The following STAT6 variants were observed in gnomAD, a reference collection of about 807,000 sequenced individuals.
The protein encoded by STAT6 is STAT, interleukin4-induced.
Under a neutral mutation model 106.3 loss-of-function variants are expected in STAT6, and 45 were observed. The observed-to-expected ratio is 0.42, with a 90% CI of 0.33 to 0.54. The LOEUF (loss-of-function observed/expected upper bound fraction) is 0.54, where lower values mean the gene tolerates loss of function less well. Ranked by LOEUF, STAT6 falls within the 20% of genes least tolerant of loss-of-function variation. The pLI is 0.06. For synonymous variants in STAT6, 413 were observed against 413.6 expected (o/e 1.00, Z 0.02); for missense variants, 797 against 1,062.2 (o/e 0.75, Z 3.47).
chr12:57,104,542 A>G lies in STAT6; in HGVS notation c.1134T>C (p.Ser378=), dbSNP rs1295744290. The part of the protein sequence containing the change: ...IKRCERKGTE[S]VTEEKCAVLF... ...GCACAGCGCACTTCTCCTCTGTGAC[A>G]GACTCAGTGCCCTTCCGCTCACACC... The change falls in exon 11 of 22, where the codon TCT becomes TCC. Residue 378 remains serine (S), a synonymous_variant. Coordinates refer to ENST00000300134, the MANE Select transcript of STAT6 (RefSeq NM_003153.5). 1.9e-6 allele frequency: 3 copies of G among 1,613,922 alleles called. No individual in the cohort carries two copies. The highest frequency in any genetic ancestry group is 2.5e-6 in the Non-Finnish European group (3 of 1,179,974).
In STAT6 at chr12:57,099,934, G is replaced by A. The variant is rs757784476; in HGVS notation, c.1608-31C>T. ...CGGGATGAAGGAGAGGATGGGGCAT[G>A]GGCAGTGAGTATGGAGGTGACTGGT... On this transcript the variant is annotated intron_variant, in intron 14 of 21. Transcript: ENST00000300134. The surrounding 1 kb of genome is among the most constrained non-coding windows in gnomAD (Gnocchi z 4.7). 3 of 1,614,220 alleles carry A rather than the reference G, an allele frequency of 1.9e-6. No individual in the cohort carries two copies. The highest frequency in any genetic ancestry group is 2.2e-5 in the East Asian group (1 of 44,874).
intron 9 of STAT6, 88 bp downstream of exon 9, chr12:57,105,063 A>G (rs1409297327): frequency 6.8e-7 from 1 of 1,466,776 alleles, no homozygotes; most frequent in African/African-American, 1.4e-5. Flanking sequence ...CTCCCTCCCC[A>G]TCCCTTGCTC....
At position 57,111,351 on chromosome 12, in the gene STAT6, A is replaced by G. The variant is rs1042271991; in HGVS notation, c.-244T>C. 2 of 152,628 alleles carry G rather than the reference A, an allele frequency of 1.3e-5. No homozygotes were observed. The highest frequency in any genetic ancestry group is 4.8e-5 in the African/African-American group (2 of 41,382). The allele number at this position is 152,628 out of a possible 1,614,324, so 9.5% of individuals were successfully genotyped here. A position where few individuals can be genotyped will look rare whatever the true frequency, so the allele number is the denominator to read the frequency against. On this transcript the variant is annotated 5_prime_UTR_variant, in exon 1 of 22. Coordinates refer to ENST00000300134, the MANE Select transcript of STAT6 (RefSeq NM_003153.5). ...CCCGTCCTCCCTCTTCAGTGTAAGCAGTGGCTGCCCCAGCCCGCTGTTTCC... is the reference window on the plus strand; with the variant it reads ...CCCGTCCTCCCTCTTCAGTGTAAGCGGTGGCTGCCCCAGCCCGCTGTTTCC...
At position 57,096,709 on chromosome 12, in the gene STAT6, T is replaced by A; in HGVS notation, c.2407A>T (p.Thr803Ser). Reference sequence around the variant, plus strand: ...CCTTGCCCCTCCAGGAGAAGCTTAGTGAGGTCCTGTTCAGTGGGAGGCAGC... The same window carrying A: ...CCTTGCCCCTCCAGGAGAAGCTTAGAGAGGTCCTGTTCAGTGGGAGGCAGC... ...PLLPPTEQDLTKLLLEGQGES... is the reference protein window; with the variant it reads ...PLLPPTEQDLSKLLLEGQGES... Residue 803 changes from threonine (T) to serine (S), a missense_variant, in exon 22 of 22, where the codon ACT becomes TCT. Thr to Ser is a moderately conservative substitution (Grantham distance 58). Coordinates refer to ENST00000300134, the MANE Select transcript of STAT6 (RefSeq NM_003153.5). The A allele has an allele frequency of 6.2e-7, 1 of 1,610,778 alleles. No homozygotes were observed. Among genetic ancestry groups the A allele is most frequent in the Non-Finnish European group, 8.5e-7 (1 of 1,178,884 alleles).
At position 57,096,734 on chromosome 12, in the gene STAT6, C is replaced by G. The variant is rs1039753998; in HGVS notation, c.2382G>C (p.Leu794=). 2.5e-6 allele frequency: 4 copies of G among 1,613,008 alleles called. No homozygotes were observed. The highest frequency in any genetic ancestry group is 2.2e-5 in the East Asian group (1 of 44,846). The stretch of plus-strand genomic sequence containing the variant: ...TGAGGTCCTGTTCAGTGGGAGGCAG[C>G]AGAGGAGGGAATATGTCTTCACCAA... The part of the protein sequence containing the change: ...TWIGEDIFPP[L]LPPTEQDLTK... Residue 794 remains leucine, a synonymous_variant, in exon 22 of 22, where the codon CTG becomes CTC. Coordinates refer to ENST00000300134, the MANE Select transcript of STAT6 (RefSeq NM_003153.5).
Position 57,099,808 on chromosome 12 carries a change from A to G in STAT6, c.1703T>C (p.Ile568Thr). 1 of 1,614,228 alleles carries G rather than the reference A, an allele frequency of 6.2e-7. No homozygotes were observed. The highest frequency in any genetic ancestry group is 8.5e-7 in the Non-Finnish European group (1 of 1,180,034). ...GACATGGGCAATGGTGATGCCCCCA[A>G]TCTCTGAGTCGCTGAAGCGGAGGAG... ...TFLLRFSDSE[I>T]GGITIAHVIR... Residue 568 changes from isoleucine (I) to threonine (T), a missense_variant, in exon 15 of 22, where the codon ATT (isoleucine) becomes ACT (threonine). Transcript: ENST00000300134. The surrounding 1 kb of genome is among the most constrained non-coding windows in gnomAD (Gnocchi z 4.7).
intron 1 of STAT6, among the ~76,000 whole-genome samples, chr12:57,109,544 T>G (rs972663852): frequency 1.3e-5 from 2 of 150,830 alleles, no homozygotes; most frequent in African/African-American, 4.9e-5. Flanking sequence ...TCCTAAGAAG[T>G]GGGGGAAGGT....
chr12:57,095,550 A>G lies in STAT6; in HGVS notation c.*1022T>C, dbSNP rs2033350224. The G allele has an allele frequency of 2.6e-5, 4 of 152,730 alleles. No individual in the cohort carries two copies. The highest frequency in any genetic ancestry group is 9.6e-5 in the African/African-American group (4 of 41,558). The allele number at this position is 152,730 out of a possible 1,614,324, so 9.5% of individuals were successfully genotyped here. ...AAGCTGGCGGTGGATGGGGCAACAG[A>G]AAAGATGCAGCAGGCAGGGCCCTCT... is the stretch of plus-strand genomic sequence containing the variant. On this transcript the variant is annotated 3_prime_UTR_variant, in exon 22 of 22. Transcript: ENST00000300134.
At position 57,104,719 on chromosome 12, in the gene STAT6, C is replaced by A; in HGVS notation, c.1089+7G>T. The A allele has an allele frequency of 6.2e-7, 1 of 1,614,102 alleles. No homozygotes were observed. Among genetic ancestry groups the A allele is most frequent in the Non-Finnish European group, 8.5e-7 (1 of 1,180,002 alleles). ...TGCCCCCCTCACTGCACCCCAAAGCCCCTCACCAGGTTCTTGAACAGGGCA... is the reference window on the plus strand; with the variant it reads ...TGCCCCCCTCACTGCACCCCAAAGCACCTCACCAGGTTCTTGAACAGGGCA... On this transcript the variant is annotated splice_region_variant and intron_variant, in intron 10 of 21. Coordinates refer to ENST00000300134, the MANE Select transcript of STAT6 (RefSeq NM_003153.5).
At chr12:57,101,232 G>A (rs1465510886) in intron 13 of STAT6, among the ~76,000 whole-genome samples, 2 of 151,886 alleles carry the variant, frequency 1.3e-5, no homozygotes, top group African/African-American at 4.8e-5. Flanking sequence ...GGGACTACAG[G>A]CATGCGCCAC....
chr12:57,105,072 T>C, intron 9 of STAT6, 79 bp downstream of exon 9: 1 of 1,504,976 alleles, frequency 6.6e-7, no homozygotes, highest in Non-Finnish European at 9.0e-7. Flanking sequence ...CATCCCTTGC[T>C]CTTTTCAGTG....
intron 19 of STAT6, among the ~76,000 whole-genome samples, chr12:57,097,669 A>T (rs1035320017): frequency 4.6e-5 from 7 of 152,200 alleles, no homozygotes; most frequent in African/African-American, 1.4e-4. Context: ...CACGCCTGTA[A>T]TCCTAACGCT....
chr12:57,100,059 C>A lies in STAT6; in HGVS notation c.1544G>T (p.Trp515Leu). 6.2e-7 allele frequency: 1 copy of A among 1,610,058 alleles called. No homozygotes were observed. Among genetic ancestry groups the A allele is most frequent in the Non-Finnish European group, 8.5e-7 (1 of 1,178,178 alleles). The change falls in exon 14 of 22, where the codon TGG becomes TTG. Residue 515 changes from tryptophan to leucine, a missense_variant. Physicochemically the swap from Trp to Leu is moderately conservative, Grantham distance 61. Around this residue, in one of 4 missense-constraint regions of STAT6, gnomAD observed 222 missense variants for 354.6 expected, o/e 0.63. Transcript: ENST00000300134. ...GTCCAGGACACCATCAAACCACTGCCAAAAGGTGAAGCCACGGCCCAGCAG... is the reference window on the plus strand; with the variant it reads ...GTCCAGGACACCATCAAACCACTGCAAAAAGGTGAAGCCACGGCCCAGCAG... Reference protein sequence around the residue: ...EILLGRGFTFWQWFDGVLDLT... With the variant: ...EILLGRGFTFLQWFDGVLDLT...
rs945254332 is a variant in STAT6 at position 57,096,657 on chromosome 12, G to A, written c.2459C>T (p.Ala820Val). The A allele has an allele frequency of 1.2e-6, 2 of 1,607,720 alleles. No homozygotes were observed. The highest frequency in any genetic ancestry group is 1.7e-5 in the Admixed American group (1 of 57,426). Reference sequence around the variant, plus strand: ...GTGGGAGGGCTGCAGGAGGGGCTGTGCCCCCAAGGACCCTCCCCCCGACTC... The same window carrying A: ...GTGGGAGGGCTGCAGGAGGGGCTGTACCCCCAAGGACCCTCCCCCCGACTC... ...QGESGGGSLG[A>V]QPLLQPSHYG... The change falls in exon 22 of 22, where the codon GCA becomes GTA. Residue 820 changes from alanine (A) to valine (V), a missense_variant. By Grantham distance (64) the Ala-to-Val change is moderately conservative. This residue lies in a region of STAT6 where 226 missense variants were observed against 236.7 expected (regional missense o/e 0.95). Coordinates refer to ENST00000300134, the MANE Select transcript of STAT6 (RefSeq NM_003153.5).
chr12:57,099,747 A>T lies in STAT6; in HGVS notation c.1744+20T>A. 6.2e-7 allele frequency: 1 copy of T among 1,613,840 alleles called. No individual in the cohort carries two copies. Among genetic ancestry groups the T allele is most frequent in the Non-Finnish European group, 8.5e-7 (1 of 1,179,930 alleles). On this transcript the variant is annotated intron_variant, in intron 15 of 21. Coordinates refer to ENST00000300134, the MANE Select transcript of STAT6 (RefSeq NM_003153.5). The surrounding 1 kb of genome is among the most constrained non-coding windows in gnomAD (Gnocchi z 4.7). ...GAGGGCACAGGCACAGAGACAGAGG[A>T]CTGGCTGGGGTGGCCTCACCATCCT...
At position 57,095,686 on chromosome 12, in the gene STAT6, C is replaced by A. The variant is rs914125712; in HGVS notation, c.*886G>T. ...TAGATGTCACAGCCACTTGGACCCACTTGGGCACAGTCAGACTCCAAATTC... is the reference window on the plus strand; with the variant it reads ...TAGATGTCACAGCCACTTGGACCCAATTGGGCACAGTCAGACTCCAAATTC... On this transcript the variant is annotated 3_prime_UTR_variant, in exon 22 of 22. Coordinates refer to ENST00000300134, the MANE Select transcript of STAT6 (RefSeq NM_003153.5). 3.3e-5 allele frequency: 5 copies of A among 152,252 alleles called. No homozygotes were observed. Among genetic ancestry groups the A allele is most frequent in the African/African-American group, 9.6e-5 (4 of 41,460 alleles). 9.4% of individuals were successfully genotyped at this position (152,252 alleles called of 1,614,324 possible).
intron 1 of STAT6, 101 bp from the exon 2 acceptor site, chr12:57,108,400 GT>G: frequency 1.5e-6 from 1 of 653,344 alleles, no homozygotes; most frequent in Non-Finnish European, 2.8e-6. Flanking sequence ...CCTAGGGACC[GT>G]CCCCACCACC....
rs2136630003 is a variant in STAT6 at position 57,111,124 on chromosome 12, C to G, written c.-22+5G>C. 6.6e-6 allele frequency: 1 copy of G among 152,136 alleles called. No individual in the cohort carries two copies. The highest frequency in any genetic ancestry group is 6.6e-5 in the Admixed American group (1 of 15,240). The allele number at this position is 152,136 out of a possible 1,614,324, so 9.4% of individuals were successfully genotyped here. ...CCCGCACCCACCTCGGAGGCAACCC[C>G]TCACCTCGGCAACCCCTCTGCTGTC... On this transcript the variant is annotated splice_donor_5th_base_variant and intron_variant, in intron 1 of 21. Coordinates refer to ENST00000300134, the MANE Select transcript of STAT6 (RefSeq NM_003153.5).
At chr12:57,100,303 C>T (rs2033742584) in intron 13 of STAT6, among the ~76,000 whole-genome samples, 1 of 152,150 alleles carries the variant, frequency 6.6e-6, no homozygotes, top group African/African-American at 2.4e-5. Context: ...TGCTCTTTAC[C>T]AGGCTATGGA....
Sources: gnomAD v4.1 joint callset for allele counts (sites outside exome capture counted in the v4.1 genomes callset) on GRCh38, gnomAD v4.1.1 for gene constraint, gnomAD v4.1.1 regional missense constraint, Gnocchi (gnomAD v3.1) non-coding constraint, MANE v1.5 for transcripts, NCBI Gene and HGNC (gene_info 2026-07-23, HGNC 2026-07-21) for gene names.